Variants in FHIP2A observed in about 807,000 individuals in gnomAD.
FHIP2A encodes family with sequence similarity 160 member B1.
A neutral mutation model predicts 93.5 loss-of-function variants in FHIP2A; 46 were observed. The observed-to-expected ratio is 0.49, with a 90% confidence interval of 0.39 to 0.63. The LOEUF is 0.63. Ranked by LOEUF, FHIP2A falls within the 20% of genes least tolerant of loss-of-function variation. FHIP2A has a pLI of 0.00. For missense variants in FHIP2A, 769 were observed against 909.7 expected, an observed-to-expected ratio of 0.85 and a Z score of 1.99; for synonymous variants, 332 against 326.5, an observed-to-expected ratio of 1.02 and a Z score of -0.18.
chr10:114,882,911 T>C (rs1261650615), intron 16 of FHIP2A, among the ~76,000 whole-genome samples: 1 of 150,756 alleles, frequency 6.6e-6, no homozygotes, highest in African/African-American at 2.4e-5. Flanking sequence ...AAACACCTCA[T>C]GAGCAGCAGT....
At chr10:114,877,658 A>G (rs1445970231) in intron 16 of FHIP2A, among the ~76,000 whole-genome samples, 1 of 152,166 alleles carries the variant, frequency 6.6e-6, no homozygotes, top group Non-Finnish European at 1.5e-5. Context: ...TAATTGAGAC[A>G]TTGGTGGCAG....
At chr10:114,864,787 C>T, downstream of FHIP2A, 1 of 755,772 alleles carries the variant, frequency 1.3e-6, no homozygotes, top group Non-Finnish European at 1.6e-6. Context: ...CAATTTTTAA[C>T]TTTTTGCACC....
intron 5 of FHIP2A, 100 bp downstream of exon 5, chr10:114,836,346 G>T: frequency 6.4e-6 from 6 of 939,410 alleles, no homozygotes; most frequent in South Asian, 2.2e-5. Context: ...CTGTTTTGCA[G>T]GTTATTAGCT....
At chr10:114,822,812 C>G (rs1354334780) in intron 1 of FHIP2A, among the ~76,000 whole-genome samples, 1 of 152,242 alleles carries the variant, frequency 6.6e-6, no homozygotes, top group Non-Finnish European at 1.5e-5. Context: ...CAGAGACCAT[C>G]TGTTTCCTTT....
intron 16 of FHIP2A, among the ~76,000 whole-genome samples, chr10:114,891,537 ATGTGTGTGTGTG>A (rs34032569): frequency 2.9e-5 from 4 of 137,202 alleles, no homozygotes; most frequent in South Asian, 2.3e-4. Flanking sequence ...ATATATATAT[ATGTGTGTGTGTG>A]TGTGTGTGTG....
chr10:114,896,765 A>G (rs2084003483), intron 16 of FHIP2A, among the ~76,000 whole-genome samples: 1 of 152,252 alleles, frequency 6.6e-6, no homozygotes, highest in South Asian at 2.1e-4. Flanking sequence ...CTGACCACCT[A>G]GGGCACAGGT....
intron 1 of FHIP2A, among the ~76,000 whole-genome samples, chr10:114,825,795 A>G (rs949718266): frequency 1.3e-5 from 2 of 152,198 alleles, no homozygotes; most frequent in Non-Finnish European, 2.9e-5. Flanking sequence ...ATTTGTTGAG[A>G]GCCTAGTCCT....
chr10:114,880,475 T>C (rs1209897085), intron 16 of FHIP2A, among the ~76,000 whole-genome samples: 2 of 151,596 alleles, frequency 1.3e-5, no homozygotes, highest in Non-Finnish European at 2.9e-5. Context: ...AGGCCAGGAG[T>C]TGGAGACCAG....
chr10:114,857,313 TC>T (rs972421979), intron 14 of FHIP2A, among the ~76,000 whole-genome samples: 1 of 142,764 alleles, frequency 7.0e-6, no homozygotes, highest in African/African-American at 2.5e-5. Flanking sequence ...TATTTCTTCT[TC>T]TTTTTTTTTT....
At chr10:114,860,423 G>A (rs900791501) in intron 14 of FHIP2A, among the ~76,000 whole-genome samples, 3 of 152,074 alleles carry the variant, frequency 2.0e-5, no homozygotes, top group African/African-American at 7.2e-5. Flanking sequence ...CGTGATCTCG[G>A]CCCACTGCAA....
chr10:114,836,318 A>C (rs2083636893), intron 5 of FHIP2A, 72 bp downstream of exon 5: 1 of 1,208,616 alleles, frequency 8.3e-7, no homozygotes, highest in Admixed American at 2.0e-5. Context: ...AATTATGTGA[A>C]TAATATTAGA....
At chr10:114,867,056 A>G (rs948801883), downstream of FHIP2A, among the ~76,000 whole-genome samples, 2 of 151,994 alleles carry the variant, frequency 1.3e-5, no homozygotes, top group African/African-American at 4.8e-5. Flanking sequence ...TAAAACTACA[A>G]AACTTAGCCA....
intron 16 of FHIP2A, among the ~76,000 whole-genome samples, chr10:114,896,075 T>A (rs1289942517): frequency 6.6e-6 from 1 of 152,118 alleles, no homozygotes; most frequent in Non-Finnish European, 1.5e-5. Flanking sequence ...TGTTACTCCA[T>A]GGGCTAGAAT....
intron 5 of FHIP2A, among the ~76,000 whole-genome samples, chr10:114,837,580 A>G (rs1458401527): frequency 6.6e-6 from 1 of 152,206 alleles, no homozygotes; most frequent in Non-Finnish European, 1.5e-5. Context: ...TAAGTTACAT[A>G]CAATAGAATT....
At chr10:114,860,440 C>T (rs943109648) in intron 14 of FHIP2A, among the ~76,000 whole-genome samples, 1 of 152,082 alleles carries the variant, frequency 6.6e-6, no homozygotes, top group African/African-American at 2.4e-5. Context: ...GCAACCTCCA[C>T]CTCCTGGGTT....
rs147417656 is a variant in FHIP2A at position 114,833,270 on chromosome 10, G to A, written c.162G>A (p.Ser54=). Residue 54 remains serine, a synonymous_variant, in exon 3 of 17, where the codon TCG becomes TCA. Coordinates refer to ENST00000369248, the MANE Select transcript of FHIP2A (RefSeq NM_020940.4). ...CAGTGACCGATACAAATATTCCATC[G>A]CATCTGGAACAGATGTTAGATATAC... is the stretch of plus-strand genomic sequence containing the variant. ...KAPVTDTNIP[S]HLEQMLDILV... is the part of the protein sequence containing the mutation. The A allele has an allele frequency of 1.8e-4, 290 of 1,611,542 alleles. No homozygotes were observed. Among genetic ancestry groups the A allele is most frequent in the Non-Finnish European group, 2.4e-4 (277 of 1,178,636 alleles).
Position 114,846,298 on chromosome 10 carries a change from T to C in FHIP2A, c.1329T>C (p.Thr443=), listed in dbSNP as rs756794207. 6.2e-7 allele frequency: 1 copy of C among 1,614,178 alleles called. No homozygotes were observed. The highest frequency in any genetic ancestry group is 8.5e-7 in the Non-Finnish European group (1 of 1,180,020). The change falls in exon 10 of 17, where the codon ACT becomes ACC. Residue 443 remains threonine, a synonymous_variant. Transcript: ENST00000369248. The stretch of plus-strand genomic sequence containing the variant: ...TTGGAGAACAGAGGGAACCAGAAAC[T>C]CTGGCAGAAATCAGCAGACATCCTT... ...FILGEQREPE[T]LAEISRHPLR...
intron 5 of FHIP2A, among the ~76,000 whole-genome samples, chr10:114,838,292 G>C (rs192576158): frequency 1.3e-5 from 2 of 152,040 alleles, no homozygotes; most frequent in Non-Finnish European, 2.9e-5. Flanking sequence ...CTCTTAACTC[G>C]AATTAGGTAA....
At chr10:114,825,614 G>T (rs2083571281) in intron 1 of FHIP2A, among the ~76,000 whole-genome samples, 1 of 152,200 alleles carries the variant, frequency 6.6e-6, no homozygotes, top group Non-Finnish European at 1.5e-5. Flanking sequence ...TCTCAGTACA[G>T]AAATGATTGG....
Sources: gnomAD v4.1 joint callset for allele counts (sites outside exome capture counted in the v4.1 genomes callset) on GRCh38, gnomAD v4.1.1 for gene constraint, MANE v1.5 for transcripts, NCBI Gene and HGNC (gene_info 2026-07-23, HGNC 2026-07-21) for gene names.